NCOR1: variants seen among roughly 807,000 people sequenced by gnomAD.
NCOR1 encodes protein phosphatase 1, regulatory subunit 109.
NCOR1 carries 63 observed loss-of-function variants against 288.1 expected under a neutral mutation model. That is an observed-to-expected ratio of 0.22 (90% CI 0.18 to 0.27). The LOEUF is 0.27. Among genes scored for constraint, NCOR1 ranks in the 10% least tolerant of loss-of-function variants. The pLI is 1.00. For missense variants in NCOR1, 2,397 were observed against 3,019.2 expected, an observed-to-expected ratio of 0.79 and a Z score of 4.83; for synonymous variants, 1,007 against 1,065.9, an observed-to-expected ratio of 0.94 and a Z score of 1.08.
intron 3 of NCOR1, among the ~76,000 whole-genome samples, chr17:16,184,889 A>G (rs1381650640): frequency 1.3e-5 from 2 of 152,086 alleles, no homozygotes; most frequent in African/African-American, 2.4e-5. Context: ...AACCCTAAAA[A>G]AAAATGAGAT....
At chr17:16,168,443 C>A (rs796842236) in intron 4 of NCOR1, among the ~76,000 whole-genome samples, 1 of 151,658 alleles carries the variant, frequency 6.6e-6, no homozygotes, top group African/African-American at 2.4e-5. Context: ...TCTGGTGATC[C>A]GCCCGCCTCG....
At chr17:16,089,044 A>G (rs1364754790) in intron 22 of NCOR1, among the ~76,000 whole-genome samples, 1 of 152,106 alleles carries the variant, frequency 6.6e-6, no homozygotes, top group Admixed American at 6.5e-5. Context: ...TGTATTAAAA[A>G]TCCAATGTCT....
intron 1 of NCOR1, among the ~76,000 whole-genome samples, chr17:16,213,502 A>AAAAAAAAG: frequency 6.6e-6 from 1 of 151,428 alleles, no homozygotes; most frequent in African/African-American, 2.4e-5. Flanking sequence ...AAAAAAAAAA[A>AAAAAAAAG]AAAAAAAGAT....
intron 4 of NCOR1, among the ~76,000 whole-genome samples, chr17:16,167,854 C>A (rs2082313840): frequency 3.7e-5 from 4 of 107,546 alleles, no homozygotes; most frequent in East Asian, 2.9e-4. Flanking sequence ...AAGAAGACTC[C>A]ATCTCAAAAA....
At chr17:16,099,689 T>C (rs1260565387) in intron 20 of NCOR1, among the ~76,000 whole-genome samples, 1 of 152,230 alleles carries the variant, frequency 6.6e-6, no homozygotes, top group Non-Finnish European at 1.5e-5. Context: ...TAAGGAATGC[T>C]TAAAAAGGGA....
intron 11 of NCOR1, among the ~76,000 whole-genome samples, chr17:16,142,956 C>T (rs777514818): frequency 9.2e-5 from 14 of 152,090 alleles, no homozygotes; most frequent in Non-Finnish European, 1.8e-4. Context: ...AGTGAAATGG[C>T]GTTCTTGTTC....
chr17:16,134,455 G>C (rs2076099454), intron 14 of NCOR1, among the ~76,000 whole-genome samples: 1 of 152,192 alleles, frequency 6.6e-6, no homozygotes, highest in African/African-American at 2.4e-5. Context: ...CTAAGGCTCA[G>C]GTCAAGGTGA....
intron 23 of NCOR1, among the ~76,000 whole-genome samples, chr17:16,083,681 C>A (rs1369543824): frequency 6.6e-6 from 1 of 151,446 alleles, no homozygotes; most frequent in Admixed American, 6.6e-5. Context: ...TCCCTATGCT[C>A]GCCTTCTGGG....
rs2057375099 is a variant in NCOR1, at chr17:16,040,603, C to T, written c.6680-109G>A. ...AATTAATCTTTTTATTTTTCATGAT[C>T]TCAACCTTTATTTCTCACCCATTAA... On this transcript the variant is annotated intron_variant, in intron 42 of 45. Coordinates refer to ENST00000268712, the MANE Select transcript of NCOR1 (RefSeq NM_006311.4). The T allele has an allele frequency of 4.2e-6, 4 of 963,598 alleles. No individual in the cohort carries two copies. The Admixed American group carries it at 6.6e-5, about 16-fold the overall frequency. 59.7% of individuals were successfully genotyped at this position (963,598 alleles called of 1,614,324 possible). A position where few individuals can be genotyped will look rare whatever the true frequency, so the allele number is the denominator to read the frequency against.
rs1274686729 is a variant in NCOR1 at position 16,149,521 on chromosome 17, G to C, written c.843-4C>G. Reference sequence around the variant, plus strand: ...TTTTTTCCTCATCACCTGGTTTCTAGAAGAGAAAAATATGGTTGCATGACA... The same window carrying C: ...TTTTTTCCTCATCACCTGGTTTCTACAAGAGAAAAATATGGTTGCATGACA... On this transcript the variant is annotated splice_region_variant and splice_polypyrimidine_tract_variant and intron_variant, in intron 8 of 45. Coordinates refer to ENST00000268712, the MANE Select transcript of NCOR1 (RefSeq NM_006311.4). The C allele has an allele frequency of 6.9e-7, 1 of 1,458,718 alleles. No homozygotes were observed. 90.4% of individuals were successfully genotyped at this position (1,458,718 alleles called of 1,614,324 possible).
intron 40 of NCOR1, among the ~76,000 whole-genome samples, chr17:16,051,931 A>T (rs997932978): frequency 2.0e-5 from 3 of 152,084 alleles, no homozygotes; most frequent in Non-Finnish European, 4.4e-5. Flanking sequence ...ATAAATAAAT[A>T]AAATAAACAA....
chr17:16,079,975 A>G lies in NCOR1; in HGVS notation c.3490T>C (p.Ser1164Pro). The change falls in exon 26 of 46, where the codon TCT becomes CCT. Residue 1164 changes from serine (S) to proline (P), a missense_variant. Ser to Pro is a moderately conservative substitution (Grantham distance 74). Coordinates refer to ENST00000268712, the MANE Select transcript of NCOR1 (RefSeq NM_006311.4). ...TGATCGTGACTAACCTGAGTGATAGAGCCCCGTAGGGATGGAATGCTCTCC... is the reference window on the plus strand; with the variant it reads ...TGATCGTGACTAACCTGAGTGATAGGGCCCCGTAGGGATGGAATGCTCTCC... ...SVESIPSLRG[S>P]ITQGTPALPQ... is the part of the protein sequence containing the mutation. The G allele has an allele frequency of 2.5e-6, 4 of 1,613,260 alleles. No individual in the cohort carries two copies. Among genetic ancestry groups the G allele is most frequent in the Non-Finnish European group, 3.4e-6 (4 of 1,179,228 alleles).
chr17:16,091,946 T>C lies in NCOR1; in HGVS notation c.2933A>G (p.Gln978Arg), dbSNP rs2152907895. Residue 978 changes from glutamine (Q) to arginine (R), a missense_variant, in exon 22 of 46, where the codon CAG becomes CGG. Around this residue, in one of 11 missense-constraint regions of NCOR1, gnomAD observed 1,872 missense variants for 2,187.8 expected, o/e 0.86. Transcript: ENST00000268712. ...TTCCAAATCTATCTGTTCTTGTCTCTGCCGCTGCTCCTCCAGGAGTGCTGA... is the reference window on the plus strand; with the variant it reads ...TTCCAAATCTATCTGTTCTTGTCTCCGCCGCTGCTCCTCCAGGAGTGCTGA... Reference protein sequence around the residue: ...HESALLEEQRQRQEQIDLECR... With the variant: ...HESALLEEQRRRQEQIDLECR... 1 of 1,614,254 alleles carries C rather than the reference T, an allele frequency of 6.2e-7. No individual in the cohort carries two copies. The highest frequency in any genetic ancestry group is 8.5e-7 in the Non-Finnish European group (1 of 1,180,044).
intron 21 of NCOR1, among the ~76,000 whole-genome samples, chr17:16,092,679 ATATATATATATATATATTTTT>A (rs1394642506): frequency 7.5e-4 from 14 of 18,678 alleles, no homozygotes; most frequent in South Asian, 5.9e-3. Context: ...ATATATATAT[ATATATATATATATATATTTTT>A]TTTTTTTTTT....
rs2057174314 is a variant in NCOR1, at chr17:16,039,677, T to A, written c.6734-23A>T. The A allele has an allele frequency of 1.9e-6, 3 of 1,591,302 alleles. No individual in the cohort carries two copies. The East Asian group carries it at 6.7e-5, about 36-fold the overall frequency. On this transcript the variant is annotated intron_variant, in intron 43 of 45. Transcript: ENST00000268712. Reference sequence around the variant, plus strand: ...AGCCTGAAAGAGAATCAAAAACATTTCCACTTATTTCTGAAAGGCCAATCA... The same window carrying A: ...AGCCTGAAAGAGAATCAAAAACATTACCACTTATTTCTGAAAGGCCAATCA...
Position 16,127,367 on chromosome 17 carries a change from A to ATATATGTATG in NCOR1, c.1510-1162_1510-1161insCATACATATA, listed in dbSNP as rs1568198620. 5.4e-5 allele frequency among the ~76,000 whole-genome samples: 6 copies of ATATATGTATG among 111,778 alleles called. 1 individual carries two copies. Among genetic ancestry groups the ATATATGTATG allele is most frequent in the African/African-American group, 2.6e-4 (6 of 23,092 alleles). 73.3% of individuals were successfully genotyped at this position (111,778 alleles called of 152,430 possible). A position where few individuals can be genotyped will look rare whatever the true frequency, so the allele number is the denominator to read the frequency against. On this transcript the variant is annotated intron_variant, in intron 14 of 45. Transcript: ENST00000268712. The stretch of plus-strand genomic sequence containing the variant: ...TATGTATATATGTATGTATATATAC[A>ATATATGTATG]TGTATGTATATATGTATGTATATAT...
At chr17:16,092,094 C>T in intron 21 of NCOR1, 36 bp from the exon 22 acceptor site, 2 of 1,602,252 alleles carry the variant, frequency 1.2e-6, no homozygotes, top group Non-Finnish European at 1.7e-6. Flanking sequence ...ATGCAAACAA[C>T]CAATGTAATA....
intron 14 of NCOR1, among the ~76,000 whole-genome samples, chr17:16,134,316 A>T (rs904568368): frequency 6.6e-6 from 1 of 152,236 alleles, no homozygotes; most frequent in Non-Finnish European, 1.5e-5. Flanking sequence ...ATTCCCCGTG[A>T]AACAACCAGA....
intron 18 of NCOR1, among the ~76,000 whole-genome samples, chr17:16,112,325 T>G (rs962217755): frequency 3.3e-5 from 5 of 152,212 alleles, no homozygotes; most frequent in Non-Finnish European, 5.9e-5. Flanking sequence ...ACATTCTTAT[T>G]ATTAACCTAA....
Sources: gnomAD v4.1 joint callset for allele counts (sites outside exome capture counted in the v4.1 genomes callset) on GRCh38, gnomAD v4.1.1 for gene constraint, gnomAD v4.1.1 regional missense constraint, MANE v1.5 for transcripts, NCBI Gene and HGNC (gene_info 2026-07-23, HGNC 2026-07-21) for gene names.